TSNARE1: variants seen among roughly 807,000 people sequenced by gnomAD.
TSNARE1 encodes the protein t-SNARE domain-containing protein 1.
TSNARE1 carries 49 observed loss-of-function variants against 62.0 expected under a neutral mutation model. The ratio of observed to expected loss-of-function variants is 0.79; its 90% confidence interval spans 0.63 to 1.00. TSNARE1 has a LOEUF of 1.00. TSNARE1 is among the 50% of genes least tolerant of loss of function. The probability of loss-of-function intolerance (pLI) is 0.00; values close to 1 mark genes in which losing one functional copy is unlikely to be tolerated. For missense variants in TSNARE1, 755 were observed against 700.1 expected (o/e 1.08, Z -0.88); for synonymous variants, 328 against 294.4 (o/e 1.11, Z -1.17).
At chr8:142,317,416 G>A (rs551062700) in intron 7 of TSNARE1, among the ~76,000 whole-genome samples, 24 of 149,716 alleles carry the variant, frequency 1.6e-4, no homozygotes, top group African/African-American at 4.7e-4. Flanking sequence ...TATGGCCAGC[G>A]GCTCACACTG....
intron 12 of TSNARE1, among the ~76,000 whole-genome samples, chr8:142,257,181 C>CG (rs1818627587): frequency 6.6e-6 from 1 of 152,174 alleles, no homozygotes; most frequent in South Asian, 2.1e-4. Flanking sequence ...GTGCCCACTT[C>CG]GGGGGTGACC....
chr8:142,283,476 G>A (rs529562382), intron 11 of TSNARE1, among the ~76,000 whole-genome samples: 14 of 143,150 alleles, frequency 9.8e-5, no homozygotes, highest in African/African-American at 1.0e-4. Context: ...GAACAGAGGC[G>A]GGGCCAGTGT....
intron 12 of TSNARE1, among the ~76,000 whole-genome samples, chr8:142,249,115 T>C (rs933232640): frequency 1.3e-5 from 2 of 152,234 alleles, no homozygotes; most frequent in African/African-American, 4.8e-5. Context: ...AGGCGCCCAA[T>C]GCCCCTTCCT....
rs1386363344 is a variant in TSNARE1 at position 142,337,074 on chromosome 8, T to G, written c.746-5243A>C. Among the ~76,000 whole-genome samples, 3 of 152,106 alleles carry G rather than the reference T, an allele frequency of 2.0e-5. No homozygotes were observed. The East Asian group carries it at 5.8e-4, about 29-fold the overall frequency. The stretch of plus-strand genomic sequence containing the variant: ...CAAGTCAATAATCTGACAAAAGCAT[T>G]AACCCAAAGTAAGCAGGAGAAAGAA... On this transcript the variant is annotated intron_variant, in intron 4 of 13. Transcript: ENST00000524325.
intron 9 of TSNARE1, among the ~76,000 whole-genome samples, chr8:142,301,355 C>G (rs530359703): frequency 8.0e-6 from 1 of 125,294 alleles, no homozygotes; most frequent in East Asian, 2.5e-4. Flanking sequence ...GTGCCCCCAC[C>G]TGCCCTGCCC....
intron 2 of TSNARE1, among the ~76,000 whole-genome samples, chr8:142,353,404 C>T (rs1045634666): frequency 6.6e-6 from 1 of 152,156 alleles, no homozygotes; most frequent in African/African-American, 2.4e-5. Flanking sequence ...TGGGAGGAGA[C>T]CAGGCCAGCC....
chr8:142,269,357 G>A, intron 12 of TSNARE1: 1 of 873,438 alleles, frequency 1.1e-6, no homozygotes, highest in Non-Finnish European at 1.4e-6. Context: ...CTGCAGTCAG[G>A]ACACAGTGTG....
At chr8:142,279,825 T>G (rs1821116109) in intron 11 of TSNARE1, 3 of 1,000,826 alleles carry the variant, frequency 3.0e-6, no homozygotes, top group Non-Finnish European at 3.6e-6. Flanking sequence ...GGCAGTGTGG[T>G]CCGGGGGGGC....
At position 142,273,727 on chromosome 8, in the gene TSNARE1, T is replaced by TG. The variant is rs201513933; in HGVS notation, c.1446+1053dup. ...TGGGGGTGCCCGGGCTGGGTCCCACTGGGGAAGCTCAAGGCAGCCCTGGCC... is the reference window on the plus strand; with the variant it reads ...TGGGGGTGCCCGGGCTGGGTCCCACTGGGGGAAGCTCAAGGCAGCCCTGGCC... On this transcript the variant is annotated intron_variant, in intron 12 of 13. Transcript: ENST00000524325. 9.0e-5 allele frequency: 89 copies of TG among 985,402 alleles called. No homozygotes were observed. In the East Asian group the frequency reaches 5.3e-3, roughly 59 times the overall value. The allele number at this position is 985,402 out of a possible 1,614,324, so 61.0% of individuals were successfully genotyped here.
intron 1 of TSNARE1, among the ~76,000 whole-genome samples, chr8:142,366,446 C>G (rs1186644320): frequency 6.6e-6 from 1 of 152,092 alleles, no homozygotes; most frequent in Non-Finnish European, 1.5e-5. Flanking sequence ...AAATCCAAAA[C>G]CCCCTCTGCT....
chr8:142,216,458 G>T (rs1037026553), intron 13 of TSNARE1, among the ~76,000 whole-genome samples: 7 of 152,184 alleles, frequency 4.6e-5, no homozygotes, highest in Non-Finnish European at 7.4e-5. Context: ...ACGCTCGGGG[G>T]CCCAAGAGGG....
intron 1 of TSNARE1, among the ~76,000 whole-genome samples, chr8:142,389,702 C>T (rs545284142): frequency 1.3e-5 from 2 of 152,280 alleles, no homozygotes; most frequent in African/African-American, 2.4e-5. Flanking sequence ...ATTAACACTT[C>T]GTCAAGGGAG....
intron 1 of TSNARE1, among the ~76,000 whole-genome samples, chr8:142,369,542 A>C (rs1302590089): frequency 2.0e-5 from 3 of 152,262 alleles, no homozygotes; most frequent in Non-Finnish European, 4.4e-5. Flanking sequence ...AGAACCATCA[A>C]GGAATTTAAA....
intron 9 of TSNARE1, among the ~76,000 whole-genome samples, chr8:142,301,482 A>C (rs1586667245): frequency 1.1e-4 from 10 of 94,582 alleles, no homozygotes; most frequent in Admixed American, 2.4e-4. Flanking sequence ...CAGTGCCCCC[A>C]CCTGCCCTGC....
At chr8:142,343,753 TG>T (rs79938951) in intron 4 of TSNARE1, among the ~76,000 whole-genome samples, 41,125 of 84,112 alleles carry the variant, frequency 0.49, 9,817 homozygotes, top group African/African-American at 0.75. Context: ...TGATGGGGAG[TG>T]GGGGGAGGAG....
At chr8:142,282,825 T>C (rs968519028) in intron 11 of TSNARE1, among the ~76,000 whole-genome samples, 4 of 135,832 alleles carry the variant, frequency 2.9e-5, no homozygotes, top group African/African-American at 8.6e-5. Flanking sequence ...GACCAGTGTC[T>C]GTCAATGAGT....
At chr8:142,242,803 A>G (rs1244116280) in intron 12 of TSNARE1, among the ~76,000 whole-genome samples, 9 of 152,104 alleles carry the variant, frequency 5.9e-5, no homozygotes, top group Admixed American at 2.0e-4. Flanking sequence ...CTCTACTAAA[A>G]ATACTAAAAT....
intron 12 of TSNARE1, among the ~76,000 whole-genome samples, chr8:142,268,773 C>A (rs749795469): frequency 6.6e-6 from 1 of 152,138 alleles, no homozygotes; most frequent in Admixed American, 6.5e-5. Flanking sequence ...GAAACACAAG[C>A]GTGATGGGGG....
At position 142,212,228 on chromosome 8, in the gene TSNARE1, T is replaced by G. The variant is rs980808961; in HGVS notation, c.*97A>C. The G allele has an allele frequency of 1.3e-5, 2 of 152,280 alleles. No individual in the cohort carries two copies. The highest frequency in any genetic ancestry group is 2.4e-5 in the African/African-American group (1 of 41,434). 9.4% of individuals were successfully genotyped at this position (152,280 alleles called of 1,614,324 possible). ...GGCATCAGCTGACAACGCAGCGGACTCCATCAGCTCCCAGCTCCGGGCCAG... is the reference window on the plus strand; with the variant it reads ...GGCATCAGCTGACAACGCAGCGGACGCCATCAGCTCCCAGCTCCGGGCCAG... On this transcript the variant is annotated 3_prime_UTR_variant, in exon 14 of 14. Coordinates refer to ENST00000524325, the MANE Select transcript of TSNARE1 (RefSeq NM_145003.5).
Sources: gnomAD v4.1 joint callset for allele counts (sites outside exome capture counted in the v4.1 genomes callset) on GRCh38, gnomAD v4.1.1 for gene constraint, MANE v1.5 for transcripts, NCBI Gene and HGNC (gene_info 2026-07-23, HGNC 2026-07-21) for gene names.